DGKH: variants seen among roughly 807,000 people sequenced by gnomAD.
DGKH encodes diacylglycerol kinase eta.
A neutral mutation model predicts 159.3 loss-of-function variants in DGKH; 90 were observed. The ratio of observed to expected loss-of-function variants is 0.57; its 90% CI spans 0.48 to 0.67. The LOEUF is 0.67. Ranked by LOEUF, DGKH falls within the 30% of genes least tolerant of loss-of-function variation. The probability of loss-of-function intolerance (pLI) is 0.00; values close to 1 mark genes in which losing one functional copy is unlikely to be tolerated. For synonymous variants in DGKH, 536 were observed against 553.8 expected (o/e 0.97, Z 0.45); for missense variants, 1,181 against 1,506.1 (o/e 0.78, Z 3.57).
intron 28 of DGKH, among the ~76,000 whole-genome samples, chr13:42,220,817 GA>G (rs1957948147): frequency 6.6e-6 from 1 of 152,138 alleles, no homozygotes; most frequent in African/African-American, 2.4e-5. Flanking sequence ...ACCTTAAGCA[GA>G]AAAGTCTGTG....
intron 2 of DGKH, among the ~76,000 whole-genome samples, chr13:42,128,054 G>C (rs897249670): frequency 6.6e-6 from 1 of 152,092 alleles, no homozygotes; most frequent in Non-Finnish European, 1.5e-5. Context: ...CTGAGAGGAG[G>C]CTTAAAGGAG....
chr13:42,087,591 C>G (rs1954332524), intron 1 of DGKH, among the ~76,000 whole-genome samples: 1 of 152,056 alleles, frequency 6.6e-6, no homozygotes, highest in African/African-American at 2.4e-5. Context: ...ATAAAGGACT[C>G]AGATTCAACT....
chr13:42,215,982 T>C (rs1286324862), intron 26 of DGKH, among the ~76,000 whole-genome samples: 1 of 152,218 alleles, frequency 6.6e-6, no homozygotes, highest in Non-Finnish European at 1.5e-5. Context: ...TAGGTACTTA[T>C]TATTGCACAC....
intron 7 of DGKH, 43 bp from the exon 8 acceptor site, chr13:42,165,285 GAAC>G: frequency 9.4e-7 from 1 of 1,061,712 alleles, no homozygotes; most frequent in Non-Finnish European, 1.3e-6. Flanking sequence ...TATAATGGCA[GAAC>G]ATTATTTTTA....
At chr13:42,250,893 G>A (rs1449865223) in intron 29 of DGKH, among the ~76,000 whole-genome samples, 2 of 152,074 alleles carry the variant, frequency 1.3e-5, no homozygotes, top group Non-Finnish European at 2.9e-5. Context: ...GATTTCATGA[G>A]CTATGCAATT....
intron 2 of DGKH, 53 bp downstream of exon 2, chr13:42,127,626 A>C: frequency 6.5e-7 from 1 of 1,529,006 alleles, no homozygotes. Flanking sequence ...ATGGATGTAA[A>C]ATTTTGGTTC....
Position 42,048,886 on chromosome 13 carries a change from C to A in DGKH, c.113C>A (p.Ser38Ter), listed in dbSNP as rs1323934085. ...AAASAGPGED[S>*]SDSEAEQEGP... is the part of the protein sequence containing the mutation. Reference sequence around the variant, plus strand: ...GCCTCGGCGGGGCCGGGAGAGGATTCGTCTGACAGCGAAGCGGAGCAAGAG... The same window carrying A: ...GCCTCGGCGGGGCCGGGAGAGGATTAGTCTGACAGCGAAGCGGAGCAAGAG... Residue 38 changes from serine to a stop codon, truncating the protein, a stop_gained, in exon 1 of 30, where the codon TCG becomes TAG. Coordinates refer to ENST00000337343, the MANE Select transcript of DGKH (RefSeq NM_178009.5). LOFTEE classifies it high-confidence loss of function. The surrounding 1 kb of genome is among the most constrained non-coding windows in gnomAD (Gnocchi z 6.7). 1 of 1,372,390 alleles carries A rather than the reference C, an allele frequency of 7.3e-7. No homozygotes were observed. Among genetic ancestry groups the A allele is most frequent in the Non-Finnish European group, 9.5e-7 (1 of 1,057,230 alleles). 85.0% of individuals were successfully genotyped at this position (1,372,390 alleles called of 1,614,324 possible). A position where few individuals can be genotyped will look rare whatever the true frequency, so the allele number is the denominator to read the frequency against.
intron 1 of DGKH, chr13:42,070,623 A>G: frequency 6.2e-7 from 1 of 1,610,818 alleles, no homozygotes; most frequent in Non-Finnish European, 8.5e-7. Context: ...TAATGAAAAG[A>G]TTAGTTGGTT....
intron 1 of DGKH, among the ~76,000 whole-genome samples, chr13:42,041,390 A>C (rs1372501618): frequency 2.6e-5 from 4 of 152,114 alleles, no homozygotes; most frequent in African/African-American, 9.6e-5. Flanking sequence ...GGAGCCCAGA[A>C]CCACGCCTCC....
At chr13:42,075,766 C>T (rs1954083442) in intron 1 of DGKH, among the ~76,000 whole-genome samples, 1 of 152,194 alleles carries the variant, frequency 6.6e-6, no homozygotes, top group South Asian at 2.1e-4. Flanking sequence ...GTTTCAGCAG[C>T]TTCCTCCTAC....
chr13:42,080,287 C>T (rs746104392), intron 1 of DGKH, among the ~76,000 whole-genome samples: 12 of 152,110 alleles, frequency 7.9e-5, no homozygotes, highest in Non-Finnish European at 1.2e-4. Context: ...TTTAACTGCA[C>T]GATTCCAGAT....
At chr13:42,162,606 C>T (rs536640232) in intron 7 of DGKH, among the ~76,000 whole-genome samples, 31 of 152,224 alleles carry the variant, frequency 2.0e-4, no homozygotes, top group African/African-American at 6.3e-4. Context: ...AAGTTCAAGA[C>T]CAGCCTGGCT....
intron 1 of DGKH, chr13:42,068,838 C>A: frequency 3.6e-6 from 2 of 556,796 alleles, no homozygotes; most frequent in South Asian, 5.0e-5. Flanking sequence ...TAAATGACAC[C>A]ATCTGATTCA....
chr13:42,082,618 G>A (rs550269129), intron 1 of DGKH, among the ~76,000 whole-genome samples: 1 of 152,276 alleles, frequency 6.6e-6, no homozygotes, highest in Non-Finnish European at 1.5e-5. Flanking sequence ...TAGAAATAAT[G>A]TTTGTAAAAT....
upstream of DGKH, among the ~76,000 whole-genome samples, chr13:42,045,731 A>G (rs991013220): frequency 4.6e-5 from 7 of 152,252 alleles, no homozygotes; most frequent in Non-Finnish European, 7.3e-5. Flanking sequence ...CACAAGTCCT[A>G]GAACACTTTG....
At chr13:42,120,464 T>C (rs756433920) in intron 1 of DGKH, among the ~76,000 whole-genome samples, 5 of 152,208 alleles carry the variant, frequency 3.3e-5, no homozygotes, top group Non-Finnish European at 7.3e-5. Flanking sequence ...TGTTTGGTTA[T>C]ATAATTATTA....
intron 1 of DGKH, among the ~76,000 whole-genome samples, chr13:42,076,350 G>A (rs1309780311): frequency 6.6e-6 from 1 of 152,152 alleles, no homozygotes; most frequent in African/African-American, 2.4e-5. Flanking sequence ...ATTTGTATGT[G>A]CAGCTGATCT....
chr13:42,166,657 T>A lies in DGKH; in HGVS notation c.1101T>A (p.Asn367Lys). Residue 367 changes from asparagine to lysine, a missense_variant, in exon 9 of 30, where the codon AAT becomes AAA. Physicochemically the swap from Asn to Lys is moderately conservative, Grantham distance 94 (BLOSUM62 0). Coordinates refer to ENST00000337343, the MANE Select transcript of DGKH (RefSeq NM_178009.5). ...CGGCTCAGGTGTTTGATTTAATGAA[T>A]GGAGGTCCTCATTTAGGGTAACTGA... Reference protein sequence around the residue: ...LNPAQVFDLMNGGPHLGLRLF... With the variant: ...LNPAQVFDLMKGGPHLGLRLF... 6 of 1,598,602 alleles carry A rather than the reference T, an allele frequency of 3.8e-6. No individual in the cohort carries two copies. The highest frequency in any genetic ancestry group is 5.1e-6 in the Non-Finnish European group (6 of 1,173,582).
intron 16 of DGKH, among the ~76,000 whole-genome samples, chr13:42,190,778 A>G (rs1028141096): frequency 1.3e-5 from 2 of 152,236 alleles, no homozygotes; most frequent in African/African-American, 4.8e-5. Context: ...TAAGGATTAT[A>G]GGACTAAGGA....
Sources: gnomAD v4.1 joint callset for allele counts (sites outside exome capture counted in the v4.1 genomes callset) on GRCh38, gnomAD v4.1.1 for gene constraint, Gnocchi (gnomAD v3.1) non-coding constraint, MANE v1.5 for transcripts, NCBI Gene and HGNC (gene_info 2026-07-23, HGNC 2026-07-21) for gene names.